PARVA: variants seen among roughly 807,000 people sequenced by gnomAD.
PARVA encodes parvin alpha.
PARVA carries 25 observed loss-of-function variants against 52.6 expected under a neutral mutation model. The ratio of observed to expected loss-of-function variants is 0.48; its 90% CI spans 0.35 to 0.66. The LOEUF (loss-of-function observed/expected upper bound fraction) is 0.66. Among genes scored for constraint, PARVA ranks in the 30% least tolerant of loss-of-function variants. PARVA has a pLI of 0.01. For missense variants in PARVA, 373 were observed against 450.9 expected, an observed-to-expected ratio of 0.83 and a Z score of 1.56; for synonymous variants, 185 against 179.1, an observed-to-expected ratio of 1.03 and a Z score of -0.26.
intron 7 of PARVA, among the ~76,000 whole-genome samples, chr11:12,509,344 T>G (rs1386386240): frequency 6.6e-6 from 1 of 152,152 alleles, no homozygotes; most frequent in Non-Finnish European, 1.5e-5. Context: ...CAACCCAACT[T>G]GAGTTCAAAT....
chr11:12,467,804 G>GT (rs765765716), intron 1 of PARVA, among the ~76,000 whole-genome samples: 1 of 152,158 alleles, frequency 6.6e-6, no homozygotes, highest in Non-Finnish European at 1.5e-5. Flanking sequence ...TCTCAGAATG[G>GT]TTTTTTGCAA....
At chr11:12,487,970 C>T (rs932463548) in intron 4 of PARVA, among the ~76,000 whole-genome samples, 1 of 152,136 alleles carries the variant, frequency 6.6e-6, no homozygotes, top group Non-Finnish European at 1.5e-5. Context: ...TGTATATTAT[C>T]AGTCTTATTG....
intron 1 of PARVA, among the ~76,000 whole-genome samples, chr11:12,411,749 C>A (rs1939995251): frequency 1.3e-5 from 2 of 152,136 alleles, no homozygotes; most frequent in South Asian, 4.1e-4. Flanking sequence ...GTCTCAGCAT[C>A]CATGAAATTA....
chr11:12,434,933 A>C (rs1236746325), intron 1 of PARVA, among the ~76,000 whole-genome samples: 1 of 152,142 alleles, frequency 6.6e-6, no homozygotes, highest in East Asian at 1.9e-4. Context: ...ACATAACCCC[A>C]GTCCTCAGTC....
chr11:12,423,821 G>A lies in PARVA; in HGVS notation c.136+46038G>A, dbSNP rs565609962. On this transcript the variant is annotated intron_variant, in intron 1 of 12. Coordinates refer to ENST00000334956, the MANE Select transcript of PARVA (RefSeq NM_018222.5). ...TCTCTGGAATCACTATTTTAGTAGA[G>A]TCTTTGTCCTGGCTTTGATTCAGCA... Among the ~76,000 whole-genome samples the A allele has an allele frequency of 1.2e-4, 18 of 152,254 alleles. 1 individual carries two copies. The South Asian group carries it at 1.7e-3, about 14-fold the overall frequency.
intron 1 of PARVA, among the ~76,000 whole-genome samples, chr11:12,405,795 A>G (rs148709013): frequency 0.011 from 1,674 of 152,048 alleles, 17 homozygotes; most frequent in Middle Eastern, 0.027. Context: ...CATCTCTACT[A>G]AAAAATACAA....
At chr11:12,430,273 G>C (rs6485735) in intron 1 of PARVA, among the ~76,000 whole-genome samples, 7 of 151,960 alleles carry the variant, frequency 4.6e-5, no homozygotes, top group Non-Finnish European at 7.4e-5. Flanking sequence ...GTGATGAGTT[G>C]TGAGTATTAC....
At chr11:12,517,345 T>A (rs1462447988) in intron 10 of PARVA, among the ~76,000 whole-genome samples, 1 of 51,980 alleles carries the variant, frequency 1.9e-5, no homozygotes, top group Non-Finnish European at 3.8e-5. Flanking sequence ...CTGGTCCCCA[T>A]GCCTAGACCA....
intron 9 of PARVA, 59 bp downstream of exon 9, chr11:12,513,419 A>G: frequency 6.8e-7 from 1 of 1,473,536 alleles, no homozygotes; most frequent in South Asian, 1.1e-5. Context: ...AACATTGGGA[A>G]AACCCATCCC....
chr11:12,503,007 C>T (rs1031670108), intron 5 of PARVA, among the ~76,000 whole-genome samples: 18 of 152,134 alleles, frequency 1.2e-4, no homozygotes, highest in African/African-American at 4.1e-4. Context: ...ACCCTCTGTG[C>T]ACCTCACTGA....
intron 3 of PARVA, chr11:12,477,333 G>C (rs535045152): frequency 6.5e-6 from 1 of 154,772 alleles, no homozygotes; most frequent in South Asian, 2.0e-4. Context: ...GACCTCAAGT[G>C]ATCTGCCCGC....
intron 1 of PARVA, among the ~76,000 whole-genome samples, chr11:12,432,941 T>G (rs1007824649): frequency 6.6e-6 from 1 of 152,226 alleles, no homozygotes; most frequent in African/African-American, 2.4e-5. Flanking sequence ...GCCGTGGTAC[T>G]GAAAGATGCT....
intron 6 of PARVA, among the ~76,000 whole-genome samples, 192 bp downstream of exon 6, chr11:12,504,621 T>C (rs1366999452): frequency 6.6e-6 from 1 of 152,160 alleles, no homozygotes; most frequent in Non-Finnish European, 1.5e-5. Context: ...GTACACAAGA[T>C]GGAAGAGCGT....
chr11:12,385,533 A>G (rs1939560856), intron 1 of PARVA, among the ~76,000 whole-genome samples: 1 of 152,164 alleles, frequency 6.6e-6, no homozygotes, highest in African/African-American at 2.4e-5. Flanking sequence ...AACTAAAAAG[A>G]TGAACTGATT....
chr11:12,394,422 A>C (rs1722961302), intron 1 of PARVA, among the ~76,000 whole-genome samples: 1 of 152,240 alleles, frequency 6.6e-6, no homozygotes, highest in African/African-American at 2.4e-5. Flanking sequence ...TTAAGGAATC[A>C]TTGTTAGCTT....
chr11:12,473,839 C>G lies in PARVA; in HGVS notation c.226+5C>G. 1.3e-6 allele frequency: 2 copies of G among 1,567,652 alleles called. No homozygotes were observed. Among genetic ancestry groups the G allele is most frequent in the South Asian group, 2.4e-5 (2 of 85,056 alleles). ...ACCCCGAGGACACGATGCTGGGTAA[C>G]TGTGCTCTTGTCTCTGAATTCGCTT... On this transcript the variant is annotated splice_donor_5th_base_variant and intron_variant, in intron 2 of 12. Transcript: ENST00000334956.
intron 10 of PARVA, among the ~76,000 whole-genome samples, chr11:12,515,337 C>T (rs1941554469): frequency 6.6e-6 from 1 of 152,162 alleles, no homozygotes; most frequent in Non-Finnish European, 1.5e-5. Context: ...CAGCCTGTCG[C>T]TGAGCTCCAC....
intron 5 of PARVA, among the ~76,000 whole-genome samples, chr11:12,500,829 C>T (rs1015010527): frequency 1.3e-5 from 2 of 150,950 alleles, no homozygotes; most frequent in African/African-American, 4.9e-5. Context: ...ACCTATCTGG[C>T]GGGGCACGGT....
chr11:12,495,573 G>C (rs953895871), intron 4 of PARVA, among the ~76,000 whole-genome samples: 1 of 151,914 alleles, frequency 6.6e-6, no homozygotes, highest in Admixed American at 6.6e-5. Context: ...CTTTGTAATA[G>C]ATTAAAATAT....
Sources: gnomAD v4.1 joint callset for allele counts (sites outside exome capture counted in the v4.1 genomes callset) on GRCh38, gnomAD v4.1.1 for gene constraint, MANE v1.5 for transcripts, NCBI Gene and HGNC (gene_info 2026-07-23, HGNC 2026-07-21) for gene names.